Variants in NUFIP2 observed in about 807,000 individuals in gnomAD.
NUFIP2 encodes the protein nuclear FMR1 interacting protein 2, also known as FMR1-interacting protein NUFIP2.
In NUFIP2, 6 loss-of-function variants were observed where a neutral mutation model predicts 56.9. The ratio of observed to expected loss-of-function variants is 0.11; its 90% CI spans 0.06 to 0.21. The LOEUF (loss-of-function observed/expected upper bound fraction) is 0.21. NUFIP2 is among the 10% of genes least tolerant of loss of function. The pLI is 1.00. For synonymous variants in NUFIP2, 321 were observed against 298.2 expected, an observed-to-expected ratio of 1.08 and a Z score of -0.79; for missense variants, 828 against 826.8, an observed-to-expected ratio of 1.00 and a Z score of -0.02.
rs1338157453 is a variant in NUFIP2 at position 29,258,131 on chromosome 17, A to AT, written c.*6407dup. ...AAAAATAGATCTCTGGCCAACAAATATATTAAATAAGCAAATTAAAATTTT... is the reference window on the plus strand; with the variant it reads ...AAAAATAGATCTCTGGCCAACAAATATTATTAAATAAGCAAATTAAAATTTT... On this transcript the variant is annotated 3_prime_UTR_variant, in exon 4 of 4. Transcript: ENST00000225388. 1 of 152,118 alleles carries AT rather than the reference A, an allele frequency of 6.6e-6. No individual in the cohort carries two copies. The highest frequency in any genetic ancestry group is 1.9e-4 in the East Asian group (1 of 5,192). 9.4% of individuals were successfully genotyped at this position (152,118 alleles called of 1,614,324 possible). A position where few individuals can be genotyped will look rare whatever the true frequency, so the allele number is the denominator to read the frequency against.
intron 2 of NUFIP2, among the ~76,000 whole-genome samples, chr17:29,275,315 T>C (rs1256448997): frequency 6.6e-6 from 1 of 152,114 alleles, no homozygotes. Flanking sequence ...TGAGCCACCA[T>C]ACCTGGCCTC....
chr17:29,277,037 T>C (rs1169099042), intron 2 of NUFIP2, among the ~76,000 whole-genome samples: 1 of 152,206 alleles, frequency 6.6e-6, no homozygotes, highest in Non-Finnish European at 1.5e-5. Flanking sequence ...GAACATTGTT[T>C]GTTTTTGGAG....
chr17:29,277,889 TATA>T (rs1598432732), intron 2 of NUFIP2, among the ~76,000 whole-genome samples: 1 of 152,004 alleles, frequency 6.6e-6, no homozygotes. Context: ...GATGCAAGCC[TATA>T]ATCCCAGCTA....
chr17:29,266,934 G>A (rs930983169), intron 3 of NUFIP2, among the ~76,000 whole-genome samples: 6 of 151,202 alleles, frequency 4.0e-5, no homozygotes, highest in South Asian at 2.1e-4. Flanking sequence ...ATGGCGTTTC[G>A]CTCTTGTTGC....
intron 2 of NUFIP2, among the ~76,000 whole-genome samples, chr17:29,270,696 T>C (rs1320598760): frequency 6.6e-6 from 1 of 151,672 alleles, no homozygotes; most frequent in Non-Finnish European, 1.5e-5. Context: ...AAAAAAAAAA[T>C]TGGCCAGGTA....
At chr17:29,293,312 CCCTA>C (rs2069230108) in intron 1 of NUFIP2, among the ~76,000 whole-genome samples, 1 of 151,694 alleles carries the variant, frequency 6.6e-6, no homozygotes, top group African/African-American at 2.4e-5. Context: ...CCTCAACTCA[CCCTA>C]CCTACCCACT....
At position 29,294,096 on chromosome 17, in the gene NUFIP2, C is replaced by A. The variant is rs377729563; in HGVS notation, c.-37G>T. On this transcript the variant is annotated 5_prime_UTR_variant, in exon 1 of 4. Transcript: ENST00000225388. The stretch of plus-strand genomic sequence containing the variant: ...GGGACTCCCTGGCTGAGGCTGCGGG[C>A]TGCTGCACCGTCAGGATCTGAGACT... 167 of 1,562,680 alleles carry A rather than the reference C, an allele frequency of 1.1e-4. No individual in the cohort carries two copies. Among genetic ancestry groups the A allele is most frequent in the South Asian group, 7.6e-4 (63 of 83,086 alleles).
intron 2 of NUFIP2, among the ~76,000 whole-genome samples, chr17:29,277,428 C>T (rs1212001231): frequency 6.6e-6 from 1 of 152,168 alleles, no homozygotes; most frequent in Non-Finnish European, 1.5e-5. Context: ...TGAGAACCCC[C>T]AAATCAATTT....
chr17:29,270,324 GAAAAA>G (rs386385865), intron 2 of NUFIP2, among the ~76,000 whole-genome samples: 3 of 81,404 alleles, frequency 3.7e-5, no homozygotes, highest in South Asian at 3.6e-4. Context: ...CTAACCTGGA[GAAAAA>G]AAAAAAAAAA....
chr17:29,291,045 A>AAG (rs59696397), intron 1 of NUFIP2, among the ~76,000 whole-genome samples: 16,613 of 151,304 alleles, frequency 0.11, 1,060 homozygotes, highest in East Asian at 0.29. Context: ...CAAAAAAAAA[A>AAG]AAAAAAAAGA....
At chr17:29,292,113 C>A (rs2069217690) in intron 1 of NUFIP2, among the ~76,000 whole-genome samples, 1 of 152,152 alleles carries the variant, frequency 6.6e-6, no homozygotes, top group Non-Finnish European at 1.5e-5. Context: ...TCTTACATGA[C>A]TTTTACCCTC....
chr17:29,272,402 G>A (rs1422665633), intron 2 of NUFIP2, among the ~76,000 whole-genome samples: 9 of 151,772 alleles, frequency 5.9e-5, no homozygotes, highest in Admixed American at 3.9e-4. Flanking sequence ...CACCAAGCCC[G>A]GCTAATTTCT....
intron 2 of NUFIP2, among the ~76,000 whole-genome samples, chr17:29,273,984 ATAC>A (rs936040434): frequency 5.3e-5 from 8 of 152,158 alleles, no homozygotes; most frequent in African/African-American, 1.9e-4. Context: ...TGAAAAAAAA[ATAC>A]TACTCACCAG....
At chr17:29,281,629 C>T (rs1273068995) in intron 2 of NUFIP2, among the ~76,000 whole-genome samples, 1 of 148,666 alleles carries the variant, frequency 6.7e-6, no homozygotes, top group Non-Finnish European at 1.5e-5. Flanking sequence ...TTCCAGGCTG[C>T]AATGAGCTAC....
Position 29,258,153 on chromosome 17 carries a change from T to C in NUFIP2, c.*6386A>G, listed in dbSNP as rs1405811036. On this transcript the variant is annotated 3_prime_UTR_variant, in exon 4 of 4. Coordinates refer to ENST00000225388, the MANE Select transcript of NUFIP2 (RefSeq NM_020772.3). ...AATATATTAAATAAGCAAATTAAAA[T>C]TTTGGCTTTGCGATATTGGCAACAT... The C allele has an allele frequency of 6.6e-6, 1 of 152,150 alleles. No individual in the cohort carries two copies. Among genetic ancestry groups the C allele is most frequent in the Admixed American group, 6.5e-5 (1 of 15,280 alleles). The allele number at this position is 152,150 out of a possible 1,614,324, so 9.4% of individuals were successfully genotyped here. A position where few individuals can be genotyped will look rare whatever the true frequency, so the allele number is the denominator to read the frequency against.
chr17:29,275,254 C>T (rs938769722), intron 2 of NUFIP2, among the ~76,000 whole-genome samples: 1 of 152,096 alleles, frequency 6.6e-6, no homozygotes. Flanking sequence ...GAACTCCTGA[C>T]CTCAGGTGAT....
In NUFIP2 at chr17:29,293,784, T is replaced by C. The variant is rs2069233737; in HGVS notation, c.276A>G (p.Thr92=). 1.8e-6 allele frequency: 2 copies of C among 1,135,486 alleles called. No individual in the cohort carries two copies. Among genetic ancestry groups the C allele is most frequent in the East Asian group, 5.2e-5 (1 of 19,286 alleles). 70.3% of individuals were successfully genotyped at this position (1,135,486 alleles called of 1,614,324 possible). ...CCCCACCCGTCCTCCCTCCCAGACC[T>C]GTTTTCTTCTTCGGCGTTTCCTGGT... ...QQHQETPKKK[T]GYGELNGNAG... Residue 92 remains threonine (T), a splice_region_variant and synonymous_variant, in exon 1 of 4, where the codon ACA becomes ACG. Coordinates refer to ENST00000225388, the MANE Select transcript of NUFIP2 (RefSeq NM_020772.3).
chr17:29,283,335 C>T (rs145798520), intron 2 of NUFIP2, among the ~76,000 whole-genome samples: 32 of 152,254 alleles, frequency 2.1e-4, no homozygotes, highest in African/African-American at 7.0e-4. Context: ...ACATATCCTA[C>T]ACATTTTGTT....
chr17:29,272,952 A>G (rs2153011315), intron 2 of NUFIP2, among the ~76,000 whole-genome samples: 1 of 151,574 alleles, frequency 6.6e-6, no homozygotes, highest in East Asian at 1.9e-4. Flanking sequence ...ACCTGGGTTC[A>G]AGCTATCCTG....
Sources: allele counts gnomAD v4.1 joint callset (sites outside exome capture counted in the v4.1 genomes callset), GRCh38; gene constraint gnomAD v4.1.1; transcripts MANE v1.5; gene names NCBI Gene and HGNC (gene_info 2026-07-23, HGNC 2026-07-21).